The following ADAMTSL1 variants were observed in gnomAD, a reference collection of about 807,000 sequenced individuals.
The protein encoded by ADAMTSL1 is ADAMTS like 1.
In ADAMTSL1, 126 loss-of-function variants were observed where a neutral mutation model predicts 201.8. The ratio of observed to expected loss-of-function variants is 0.62; its 90% CI spans 0.54 to 0.72. The LOEUF is 0.72. Ranked by LOEUF, ADAMTSL1 falls within the 30% of genes least tolerant of loss-of-function variation. ADAMTSL1 has a pLI of 0.00. For missense variants in ADAMTSL1, 2,679 were observed against 2,277.8 expected, an observed-to-expected ratio of 1.18 and a Z score of -3.59; for synonymous variants, 1,121 against 903.4, an observed-to-expected ratio of 1.24 and a Z score of -4.32.
At chr9:18,680,233 G>A (rs1372261099) in intron 10 of ADAMTSL1, 79 bp from the exon 11 acceptor site, 20 of 1,394,878 alleles carry the variant, frequency 1.4e-5, no homozygotes, top group Non-Finnish European at 2.0e-5. Context: ...ATAGACATGG[G>A]GAGTGGGTTG....
chr9:18,289,249 G>A (rs866387632), intron 2 of ADAMTSL1, among the ~76,000 whole-genome samples: 3 of 152,000 alleles, frequency 2.0e-5, no homozygotes, highest in African/African-American at 7.2e-5. Context: ...ATTATTTATG[G>A]AGACTAAAGT....
intron 4 of ADAMTSL1, among the ~76,000 whole-genome samples, chr9:18,603,991 G>A (rs1268878652): frequency 6.6e-6 from 1 of 152,202 alleles, no homozygotes; most frequent in Non-Finnish European, 1.5e-5. Context: ...AATGGCGAGA[G>A]CACACCTGAA....
intron 23 of ADAMTSL1, among the ~76,000 whole-genome samples, chr9:18,847,932 G>C (rs1826236647): frequency 6.6e-6 from 1 of 152,224 alleles, no homozygotes; most frequent in Admixed American, 6.5e-5. Context: ...ATTGCATTGA[G>C]CATCATGGGC....
chr9:18,262,809 A>G (rs1162416468), intron 2 of ADAMTSL1, among the ~76,000 whole-genome samples: 3 of 152,224 alleles, frequency 2.0e-5, no homozygotes, highest in Admixed American at 6.5e-5. Flanking sequence ...GCAAGAGACT[A>G]TATGGAATGT....
chr9:18,543,399 A>G (rs1180051689), intron 3 of ADAMTSL1, among the ~76,000 whole-genome samples: 1 of 152,148 alleles, frequency 6.6e-6, no homozygotes, highest in Non-Finnish European at 1.5e-5. Flanking sequence ...GTTTCTGAAA[A>G]GAGAAATGAT....
intron 1 of ADAMTSL1, among the ~76,000 whole-genome samples, chr9:18,487,907 AT>A (rs1023765803): frequency 5.9e-5 from 9 of 152,118 alleles, no homozygotes; most frequent in African/African-American, 2.2e-4. Context: ...TAAGACACAA[AT>A]TTTTTTTCTG....
chr9:18,394,332 C>A (rs1209555051), intron 2 of ADAMTSL1, among the ~76,000 whole-genome samples: 1 of 152,200 alleles, frequency 6.6e-6, no homozygotes, highest in South Asian at 2.1e-4. Flanking sequence ...ATTCCAATAA[C>A]AGAATCTGTC....
At chr9:18,582,281 C>G (rs1330691297) in intron 4 of ADAMTSL1, among the ~76,000 whole-genome samples, 14 of 152,184 alleles carry the variant, frequency 9.2e-5, no homozygotes, top group Admixed American at 9.2e-4. Context: ...CAGTTTATCT[C>G]TTGGCTCTCA....
chr9:18,095,139 AC>A (rs2131827227), intron 1 of ADAMTSL1, among the ~76,000 whole-genome samples: 1 of 152,236 alleles, frequency 6.6e-6, no homozygotes, highest in South Asian at 2.1e-4. Context: ...GCCACCTGAG[AC>A]CTTCTGAATC....
At chr9:18,718,336 T>C (rs1833096723) in intron 14 of ADAMTSL1, 2 of 740,840 alleles carry the variant, frequency 2.7e-6, no homozygotes, top group East Asian at 2.7e-5. Context: ...CTCCTTGCTA[T>C]ACATTGTTCC....
intron 2 of ADAMTSL1, among the ~76,000 whole-genome samples, chr9:18,178,946 T>G (rs1223507889): frequency 6.6e-6 from 1 of 151,888 alleles, no homozygotes; most frequent in African/African-American, 2.4e-5. Context: ...GCAGAAAAAC[T>G]GGAAACTCTA....
intron 22 of ADAMTSL1, among the ~76,000 whole-genome samples, chr9:18,827,316 C>G (rs1227055768): frequency 1.6e-4 from 24 of 152,076 alleles, no homozygotes; most frequent in Admixed American, 1.6e-3. Context: ...GCCACACATA[C>G]ATACATAAAC....
intron 2 of ADAMTSL1, among the ~76,000 whole-genome samples, chr9:18,280,918 C>T (rs60701392): frequency 2.0e-5 from 3 of 150,262 alleles, no homozygotes; most frequent in Non-Finnish European, 4.4e-5. Flanking sequence ...CTCTGTCACC[C>T]AGACTGAAGT....
intron 6 of ADAMTSL1, 103 bp from the exon 7 acceptor site, chr9:18,639,151 T>C: frequency 9.1e-7 from 1 of 1,094,036 alleles, no homozygotes; most frequent in Non-Finnish European, 1.4e-6. Flanking sequence ...TAAAGAATGA[T>C]GTGTCTCCCT....
intron 2 of ADAMTSL1, among the ~76,000 whole-genome samples, chr9:18,388,945 C>T (rs949600977): frequency 2.6e-5 from 4 of 151,812 alleles, no homozygotes; most frequent in South Asian, 2.1e-4. Flanking sequence ...CTAGTAGAGA[C>T]GGGGTTTCAC....
chr9:18,824,889 G>C (rs566802826), intron 21 of ADAMTSL1, among the ~76,000 whole-genome samples: 1 of 151,800 alleles, frequency 6.6e-6, no homozygotes, highest in African/African-American at 2.4e-5. Context: ...GTAGAGACAG[G>C]GTTTCACCAT....
At chr9:18,860,473 G>C (rs1827140871) in intron 23 of ADAMTSL1, among the ~76,000 whole-genome samples, 1 of 151,374 alleles carries the variant, frequency 6.6e-6, no homozygotes, top group Non-Finnish European at 1.5e-5. Flanking sequence ...AGACCATATG[G>C]CTCACAAAGT....
At chr9:18,349,582 G>A (rs931410416) in intron 2 of ADAMTSL1, among the ~76,000 whole-genome samples, 3 of 152,086 alleles carry the variant, frequency 2.0e-5, no homozygotes, top group African/African-American at 4.8e-5. Context: ...CATATAAAAC[G>A]GCCCCAGAGA....
intron 2 of ADAMTSL1, among the ~76,000 whole-genome samples, chr9:18,369,953 C>T (rs1027632609): frequency 2.0e-5 from 3 of 152,102 alleles, no homozygotes; most frequent in Admixed American, 6.5e-5. Flanking sequence ...GGGAGCCAAA[C>T]AATGTGTACA....
Sources: gnomAD v4.1 joint callset for allele counts (sites outside exome capture counted in the v4.1 genomes callset) on GRCh38, gnomAD v4.1.1 for gene constraint, MANE v1.5 for transcripts, NCBI Gene and HGNC (gene_info 2026-07-23, HGNC 2026-07-21) for gene names.